The following NEK10 variants were observed in gnomAD, a reference collection of about 807,000 sequenced individuals.
NEK10 encodes the protein serine/threonine-protein kinase Nek10.
In NEK10, 122 loss-of-function variants were observed where a neutral mutation model predicts 159.8. That is an observed-to-expected ratio of 0.76 (90% CI 0.66 to 0.89). NEK10 has a LOEUF of 0.89. Among genes scored for constraint, NEK10 ranks in the 40% least tolerant of loss-of-function variants. NEK10 has a pLI of 0.00. For synonymous variants in NEK10, 466 were observed against 457.1 expected, an observed-to-expected ratio of 1.02 and a Z score of -0.25; for missense variants, 1,342 against 1,323.1, an observed-to-expected ratio of 1.01 and a Z score of -0.22.
At chr3:27,346,446 T>A (rs2047560714) in intron 3 of NEK10, among the ~76,000 whole-genome samples, 1 of 152,244 alleles carries the variant, frequency 6.6e-6, no homozygotes, top group Non-Finnish European at 1.5e-5. Flanking sequence ...CCACTTGTCA[T>A]ATCTGACAGT....
At chr3:27,212,836 T>TTATC (rs1339292436) in intron 23 of NEK10, among the ~76,000 whole-genome samples, 1 of 152,168 alleles carries the variant, frequency 6.6e-6, no homozygotes, top group Non-Finnish European at 1.5e-5. Flanking sequence ...GGGAGTAACT[T>TTATC]TATCGTAATT....
chr3:27,217,197 C>G (rs1443582922), intron 23 of NEK10, among the ~76,000 whole-genome samples: 2 of 152,132 alleles, frequency 1.3e-5, no homozygotes, highest in Admixed American at 1.3e-4. Flanking sequence ...CCCTACATAT[C>G]ATGATTTACT....
chr3:27,299,092 G>T lies in NEK10; in HGVS notation c.1169-1852C>A, dbSNP rs1396063262. 2.6e-5 allele frequency among the ~76,000 whole-genome samples: 4 copies of T among 152,166 alleles called. No individual in the cohort carries two copies. The South Asian group carries it at 6.2e-4, about 24-fold the overall frequency. On this transcript the variant is annotated intron_variant, in intron 13 of 35. Transcript: ENST00000691995. The stretch of plus-strand genomic sequence containing the variant: ...CCAAATGTTAACCCCCAAAACAATG[G>T]AGAAAATTTCTCCAGGGTGTGTCAG...
Position 27,110,570 on chromosome 3 carries a change from A to C in NEK10, c.*702T>G, listed in dbSNP as rs1476247811. ...CGCCCTCATATATAAACATATACAC[A>C]CACTGTACAGCAATATATTCTATTA... On this transcript the variant is annotated 3_prime_UTR_variant, in exon 36 of 36. Transcript: ENST00000691995. 6.6e-6 allele frequency: 1 copy of C among 152,154 alleles called. No individual in the cohort carries two copies. The highest frequency in any genetic ancestry group is 1.9e-4 in the East Asian group (1 of 5,190). 9.4% of individuals were successfully genotyped at this position (152,154 alleles called of 1,614,324 possible). A position where few individuals can be genotyped will look rare whatever the true frequency, so the allele number is the denominator to read the frequency against.
At chr3:27,226,940 C>T (rs1335948275) in intron 23 of NEK10, among the ~76,000 whole-genome samples, 3 of 152,076 alleles carry the variant, frequency 2.0e-5, no homozygotes, top group Non-Finnish European at 2.9e-5. Context: ...ATTCTTTCTT[C>T]AAAGTGTATA....
chr3:27,298,292 G>T (rs184657468), intron 13 of NEK10, among the ~76,000 whole-genome samples: 1 of 152,244 alleles, frequency 6.6e-6, no homozygotes, highest in African/African-American at 2.4e-5. Context: ...TAGTGAATGA[G>T]TCTCACAAGA....
intron 15 of NEK10, among the ~76,000 whole-genome samples, chr3:27,294,256 G>A (rs576678083): frequency 5.4e-4 from 83 of 152,320 alleles, no homozygotes; most frequent in African/African-American, 1.8e-3. Flanking sequence ...TGAGAAAAAA[G>A]AGTGTGCCCA....
intron 23 of NEK10, among the ~76,000 whole-genome samples, chr3:27,242,080 T>C (rs910699601): frequency 4.6e-5 from 7 of 152,182 alleles, no homozygotes; most frequent in Admixed American, 2.0e-4. Flanking sequence ...TTTTGGGCTA[T>C]AGGGACATGC....
intron 29 of NEK10, among the ~76,000 whole-genome samples, chr3:27,165,731 G>A (rs1323278220): frequency 6.6e-6 from 1 of 152,196 alleles, no homozygotes; most frequent in African/African-American, 2.4e-5. Context: ...GAAAATGAGT[G>A]TTAGCCTACA....
rs529679647 is a variant in NEK10, at chr3:27,142,731, A to G, written c.2870-1149T>C. On this transcript the variant is annotated intron_variant, in intron 30 of 35. Transcript: ENST00000691995. ...AGAGAACATTCAATGCAGTCATTTAAAAGAGTCAACTTGTTTTATTATAAG... is the reference window on the plus strand; with the variant it reads ...AGAGAACATTCAATGCAGTCATTTAGAAGAGTCAACTTGTTTTATTATAAG... 2.0e-5 allele frequency among the ~76,000 whole-genome samples: 3 copies of G among 152,150 alleles called. No homozygotes were observed. The East Asian group carries it at 5.8e-4, about 29-fold the overall frequency.
intron 1 of NEK10, among the ~76,000 whole-genome samples, chr3:27,368,702 G>C (rs1416105355): frequency 1.3e-5 from 2 of 152,108 alleles, no homozygotes; most frequent in Non-Finnish European, 2.9e-5. Context: ...TGGATTTTGG[G>C]GTCTGACAGT....
intron 22 of NEK10, among the ~76,000 whole-genome samples, chr3:27,279,949 C>T (rs2120894): frequency 6.6e-6 from 1 of 152,212 alleles, no homozygotes; most frequent in South Asian, 2.1e-4. Flanking sequence ...GCGGGCGGAT[C>T]ATGAGGTCAA....
At chr3:27,115,474 T>C (rs111413570) in intron 35 of NEK10, among the ~76,000 whole-genome samples, 2,264 of 152,242 alleles carry the variant, frequency 0.015, 53 homozygotes, top group African/African-American at 0.051. Flanking sequence ...CAACATACAA[T>C]AGCAAAGTCT....
At chr3:27,226,901 T>C (rs1297278981) in intron 23 of NEK10, among the ~76,000 whole-genome samples, 2 of 152,194 alleles carry the variant, frequency 1.3e-5, no homozygotes, top group Non-Finnish European at 2.9e-5. Context: ...GTATTACATA[T>C]GTATAGAATA....
chr3:27,311,953 T>C, intron 8 of NEK10, 146 bp downstream of exon 8: 1 of 646,822 alleles, frequency 1.5e-6, no homozygotes, highest in East Asian at 2.8e-5. Context: ...CCACTGAATA[T>C]AACAATTGGC....
chr3:27,331,624 A>G (rs887382565), intron 5 of NEK10, among the ~76,000 whole-genome samples: 3 of 152,198 alleles, frequency 2.0e-5, no homozygotes, highest in African/African-American at 7.2e-5. Flanking sequence ...GCTTGAAAGG[A>G]AAAGAGTCAC....
chr3:27,171,287 T>TCC (rs1946959351), intron 29 of NEK10, among the ~76,000 whole-genome samples: 1 of 152,194 alleles, frequency 6.6e-6, no homozygotes, highest in Non-Finnish European at 1.5e-5. Context: ...CACCATCCCT[T>TCC]GCAACTAGCT....
At chr3:27,208,143 C>T (rs1012582889) in intron 23 of NEK10, among the ~76,000 whole-genome samples, 2 of 151,618 alleles carry the variant, frequency 1.3e-5, no homozygotes, top group African/African-American at 4.9e-5. Context: ...AGAAATGGCT[C>T]AAAAAACCAT....
chr3:27,131,928 G>T lies in NEK10; in HGVS notation c.3033C>A (p.Leu1011=). The T allele has an allele frequency of 6.2e-7, 1 of 1,608,768 alleles. No homozygotes were observed. Among genetic ancestry groups the T allele is most frequent in the Non-Finnish European group, 8.5e-7 (1 of 1,176,302 alleles). Residue 1011 remains leucine (L), a synonymous_variant, in exon 32 of 36, where the codon CTC becomes CTA. Coordinates refer to ENST00000691995, the MANE Select transcript of NEK10 (RefSeq NM_001394966.1). Reference sequence around the variant, plus strand: ...TACAAGGGTTACTCTGCTGGCTGAAGAGGGATTTCTTGAATCTCTCTATAA... The same window carrying T: ...TACAAGGGTTACTCTGCTGGCTGAATAGGGATTTCTTGAATCTCTCTATAA... ...RRVIERFKKS[L]FSQQSNPCNL...
Sources: allele counts gnomAD v4.1 joint callset (sites outside exome capture counted in the v4.1 genomes callset), GRCh38; gene constraint gnomAD v4.1.1; transcripts MANE v1.5; gene names NCBI Gene and HGNC (gene_info 2026-07-23, HGNC 2026-07-21).